The following VPS37A variants were observed in gnomAD, a reference collection of about 807,000 sequenced individuals.
VPS37A encodes the protein vacuolar protein sorting-associated protein 37A.
VPS37A carries 30 observed loss-of-function variants against 49.8 expected under a neutral mutation model. The observed-to-expected ratio is 0.60, with a 90% CI of 0.45 to 0.82. The LOEUF (loss-of-function observed/expected upper bound fraction) is 0.82, where lower values mean the gene tolerates loss of function less well. Among genes scored for constraint, VPS37A ranks in the 40% least tolerant of loss-of-function variants. The pLI, the probability that VPS37A is intolerant of heterozygous loss-of-function variation, is 0.00. For synonymous variants in VPS37A, 195 were observed against 160.6 expected, an observed-to-expected ratio of 1.21 and a Z score of -1.62; for missense variants, 593 against 464.4, an observed-to-expected ratio of 1.28 and a Z score of -2.55.
intron 1 of VPS37A, among the ~76,000 whole-genome samples, chr8:17,264,610 A>C (rs1813277479): frequency 6.6e-6 from 1 of 152,212 alleles, no homozygotes; most frequent in Non-Finnish European, 1.5e-5. Flanking sequence ...AGATTTACAT[A>C]TCCTAGAGTC....
chr8:17,301,344 AT>A (rs1440152143), downstream of VPS37A, among the ~76,000 whole-genome samples: 2 of 152,240 alleles, frequency 1.3e-5, no homozygotes, highest in Non-Finnish European at 2.9e-5. Context: ...AGGAAGGAAC[AT>A]TTTAACAGGA....
At chr8:17,259,767 G>C (rs916846403) in intron 1 of VPS37A, among the ~76,000 whole-genome samples, 1 of 152,144 alleles carries the variant, frequency 6.6e-6, no homozygotes, top group South Asian at 2.1e-4. Context: ...TGGGTGCATA[G>C]ATATTTCTAA....
chr8:17,320,723 G>A, the VPS37A span, among the ~76,000 whole-genome samples: 1 of 152,274 alleles, frequency 6.6e-6, no homozygotes, highest in Admixed American at 6.5e-5. Flanking sequence ...TTGTGACAGT[G>A]CCCAGCAATA....
intron 11 of VPS37A, among the ~76,000 whole-genome samples, chr8:17,287,535 G>A (rs535785765): frequency 2.0e-4 from 30 of 152,010 alleles, no homozygotes; most frequent in Non-Finnish European, 3.2e-4. Flanking sequence ...AATATTAGCC[G>A]GGCATGGTGG....
chr8:17,274,587 C>A, intron 4 of VPS37A, 146 bp from the exon 5 acceptor site: 1 of 534,146 alleles, frequency 1.9e-6, no homozygotes, highest in Non-Finnish European at 3.2e-6. Flanking sequence ...TATTTAATTC[C>A]ATTATATAAT....
chr8:17,275,808 T>C (rs1814459416), intron 5 of VPS37A, among the ~76,000 whole-genome samples: 1 of 152,188 alleles, frequency 6.6e-6, no homozygotes, highest in Non-Finnish European at 1.5e-5. Flanking sequence ...TTTCAGAGTT[T>C]ATAATCATTT....
chr8:17,326,567 G>C, the VPS37A span: 1 of 152,190 alleles, frequency 6.6e-6, no homozygotes, highest in Non-Finnish European at 1.5e-5. Context: ...ACGTGATACT[G>C]GAAAGGATGT....
chr8:17,323,822 G>C, the VPS37A span, among the ~76,000 whole-genome samples: 1 of 152,112 alleles, frequency 6.6e-6, no homozygotes, highest in African/African-American at 2.4e-5. Flanking sequence ...CAACTGTCTT[G>C]AGTTTGATGG....
rs2150443198 is a variant in VPS37A at position 17,296,940 on chromosome 8, T to C, written c.*1954T>C. Reference sequence around the variant, plus strand: ...CATTTAACAAATAGACAAATCAGTTTACATAAAGGTTATGTATGTCACCCA... The same window carrying C: ...CATTTAACAAATAGACAAATCAGTTCACATAAAGGTTATGTATGTCACCCA... On this transcript the variant is annotated 3_prime_UTR_variant, in exon 12 of 12. Coordinates refer to ENST00000324849, the MANE Select transcript of VPS37A (RefSeq NM_152415.3). The C allele has an allele frequency of 6.6e-6, 1 of 152,300 alleles. No individual in the cohort carries two copies. 9.4% of individuals were successfully genotyped at this position (152,300 alleles called of 1,614,324 possible). A position where few individuals can be genotyped will look rare whatever the true frequency, so the allele number is the denominator to read the frequency against.
downstream of VPS37A, among the ~76,000 whole-genome samples, chr8:17,303,802 G>A (rs1224549528): frequency 6.6e-6 from 1 of 152,054 alleles, no homozygotes; most frequent in Non-Finnish European, 1.5e-5. Flanking sequence ...TAGAGACTGG[G>A]TCTCCCCATG....
intron 4 of VPS37A, 47 bp from the exon 5 acceptor site, chr8:17,274,686 T>G: frequency 6.7e-7 from 1 of 1,487,998 alleles, no homozygotes; most frequent in Non-Finnish European, 9.3e-7. Flanking sequence ...ATTTGACATG[T>G]TTTATCCATA....
At chr8:17,275,818 T>G (rs1430730347) in intron 5 of VPS37A, among the ~76,000 whole-genome samples, 1 of 152,216 alleles carries the variant, frequency 6.6e-6, no homozygotes, top group Non-Finnish European at 1.5e-5. Flanking sequence ...TATAATCATT[T>G]AGAAGATACA....
the VPS37A span, among the ~76,000 whole-genome samples, chr8:17,329,230 G>C: frequency 6.6e-6 from 1 of 152,176 alleles, no homozygotes; most frequent in South Asian, 2.1e-4. Context: ...AAAAGCCTTA[G>C]AAGGTGGGTC....
the VPS37A span, chr8:17,331,398 T>C: frequency 2.7e-6 from 3 of 1,119,486 alleles, no homozygotes; most frequent in Non-Finnish European, 3.7e-6. Flanking sequence ...TACGGAAACA[T>C]AATACGCTTA....
chr8:17,324,508 G>A, the VPS37A span, among the ~76,000 whole-genome samples: 13 of 152,302 alleles, frequency 8.5e-5, no homozygotes, highest in Admixed American at 5.2e-4. Flanking sequence ...CTGCCTCTGC[G>A]CTTAGTGTTG....
chr8:17,308,308 T>C, the VPS37A span, among the ~76,000 whole-genome samples: 1 of 152,174 alleles, frequency 6.6e-6, no homozygotes, highest in Non-Finnish European at 1.5e-5. Context: ...TAGCGTGTAA[T>C]ATTAATAGAA....
At chr8:17,286,689 T>C (rs976807830) in intron 11 of VPS37A, 2 of 345,616 alleles carry the variant, frequency 5.8e-6, no homozygotes, top group African/African-American at 2.1e-5. Flanking sequence ...TTGTAAGTTA[T>C]AGTCAGTTCC....
intron 9 of VPS37A, among the ~76,000 whole-genome samples, chr8:17,281,605 A>C (rs541588870): frequency 6.6e-6 from 1 of 152,156 alleles, no homozygotes; most frequent in East Asian, 1.9e-4. Flanking sequence ...CCTCATGATC[A>C]CTGCTGTTTA....
At chr8:17,323,489 C>T in the VPS37A span, among the ~76,000 whole-genome samples, 4 of 151,954 alleles carry the variant, frequency 2.6e-5, no homozygotes, top group African/African-American at 9.7e-5. Context: ...CAAGAGAAGT[C>T]GACACTGGGA....
Sources: gnomAD v4.1 joint callset for allele counts (sites outside exome capture counted in the v4.1 genomes callset) on GRCh38, gnomAD v4.1.1 for gene constraint, MANE v1.5 for transcripts, NCBI Gene and HGNC (gene_info 2026-07-23, HGNC 2026-07-21) for gene names.